ZNF649: variants seen among roughly 807,000 people sequenced by gnomAD.
ZNF649 encodes the protein zinc finger protein 649.
ZNF649 carries 7 observed loss-of-function variants against 14.1 expected under a neutral mutation model. The ratio of observed to expected loss-of-function variants is 0.49; its 90% CI spans 0.28 to 0.93. The LOEUF is 0.93. Ranked by LOEUF, ZNF649 falls within the 40% of genes least tolerant of loss-of-function variation. The pLI is 0.10. For missense variants in ZNF649, 544 were observed against 608.1 expected (o/e 0.89, Z 1.11); for synonymous variants, 227 against 212.3 (o/e 1.07, Z -0.60).
Position 51,891,037 on chromosome 19 carries a change from ATC to A in ZNF649, c.1097_1098del (p.Arg366IlefsTer12). The stretch of plus-strand genomic sequence containing the variant: ...ACAAAGGGAGTCTTTCCTGTATGAT[ATC>A]TCTGATGTGCTACAAGGCAAGACTT... ...SQKSCLVAHQ[R>X]YHTGKTPFVC... On this transcript the variant is annotated frameshift_variant, in exon 5 of 5. Transcript: ENST00000354957. LOFTEE classifies it low-confidence loss of function (END_TRUNC). This position sits in a 1 kb window ranked among gnomAD's most constrained non-coding sequence, Gnocchi z 4.2. 2 of 1,614,188 alleles carry A rather than the reference ATC, an allele frequency of 1.2e-6. No individual in the cohort carries two copies. The highest frequency in any genetic ancestry group is 1.7e-6 in the Non-Finnish European group (2 of 1,180,036).
Position 51,891,105 on chromosome 19 carries a change from T to C in ZNF649, c.1031A>G (p.Lys344Arg), listed in dbSNP as rs916866071. The C allele has an allele frequency of 6.2e-7, 1 of 1,614,194 alleles. No homozygotes were observed. Among genetic ancestry groups the C allele is most frequent in the Non-Finnish European group, 8.5e-7 (1 of 1,180,032 alleles). The change falls in exon 5 of 5, where the codon AAA (lysine) becomes AGA (arginine). Residue 344 changes from lysine (K) to arginine (R), a missense_variant. Transcript: ENST00000354957. The surrounding 1 kb of genome is among the most constrained non-coding windows in gnomAD (Gnocchi z 4.2). ...GCCACAGTCAATGCATCCATAAGGT[T>C]TCTCTCCAGTGTGAGTTCGTTGATG... ...NIHQRTHTGE[K>R]PYGCIDCGKA...
rs2085029406 is a variant in ZNF649 at position 51,892,337 on chromosome 19, C to T, written c.239-440G>A. On this transcript the variant is annotated intron_variant, in intron 4 of 4. Coordinates refer to ENST00000354957, the MANE Select transcript of ZNF649 (RefSeq NM_023074.4). ...GTTGTAGCAAGCCAAGATCGCTCCA[C>T]TGCACTCCAGTCTGCCAACAGAGCA... is the stretch of plus-strand genomic sequence containing the variant. Among the ~76,000 whole-genome samples the T allele has an allele frequency of 2.0e-5, 3 of 150,328 alleles. No individual in the cohort carries two copies. The South Asian group carries it at 6.3e-4, about 31-fold the overall frequency.
At chr19:51,903,855 G>C (rs1229133387) in intron 1 of ZNF649, among the ~76,000 whole-genome samples, 6 of 152,186 alleles carry the variant, frequency 3.9e-5, no homozygotes, top group Non-Finnish European at 8.8e-5. Context: ...AAATGCTCAA[G>C]GAGACTGATG....
intron 4 of ZNF649, among the ~76,000 whole-genome samples, chr19:51,892,625 C>G (rs1037457188): frequency 1.3e-5 from 2 of 152,172 alleles, no homozygotes; most frequent in Admixed American, 6.5e-5. Flanking sequence ...GATACACAGC[C>G]TTTGACTTCA....
rs1442328944 is a variant in ZNF649, at chr19:51,891,094, A to C, written c.1042T>G (p.Cys348Gly). The change falls in exon 5 of 5, where the codon TGC (cysteine) becomes GGC (glycine). Residue 348 changes from cysteine (C) to glycine (G), a missense_variant. By Grantham distance (159) the Cys-to-Gly change is radical (BLOSUM62 -3). Transcript: ENST00000354957. This position sits in a 1 kb window ranked among gnomAD's most constrained non-coding sequence, Gnocchi z 4.2. ...CTGAAGGCCTTGCCACAGTCAATGC[A>C]TCCATAAGGTTTCTCTCCAGTGTGA... ...RTHTGEKPYG[C>G]IDCGKAFSQK... 1.9e-6 allele frequency: 3 copies of C among 1,614,214 alleles called. No individual in the cohort carries two copies. Among genetic ancestry groups the C allele is most frequent in the Admixed American group, 3.3e-5 (2 of 60,030 alleles).
rs755013953 is a variant in ZNF649, at chr19:51,891,498, T to C, written c.638A>G (p.Lys213Arg). 6.2e-7 allele frequency: 1 copy of C among 1,614,096 alleles called. No homozygotes were observed. The highest frequency in any genetic ancestry group is 8.5e-7 in the Non-Finnish European group (1 of 1,180,020). The change falls in exon 5 of 5, where the codon AAA (lysine) becomes AGA (arginine). Residue 213 changes from lysine (K) to arginine (R), a missense_variant. Physicochemically the swap from Lys to Arg is conservative, Grantham distance 26. Transcript: ENST00000354957. The surrounding 1 kb of genome is among the most constrained non-coding windows in gnomAD (Gnocchi z 4.2). ...GAGCCTGTACTTCTTGTAGAAGGCT[T>C]TCCCACACAAGCTACACACGTGGGG... ...KKPHVCSLCGKAFYKKYRLTE... is the reference protein window; with the variant it reads ...KKPHVCSLCGRAFYKKYRLTE...
chr19:51,891,021 G>T lies in ZNF649; in HGVS notation c.1115C>A (p.Thr372Asn). 1 of 1,614,216 alleles carries T rather than the reference G, an allele frequency of 6.2e-7. No homozygotes were observed. Among genetic ancestry groups the T allele is most frequent in the Non-Finnish European group, 8.5e-7 (1 of 1,180,036 alleles). The change falls in exon 5 of 5, where the codon ACT becomes AAT. Residue 372 changes from threonine to asparagine, a missense_variant. Physicochemically the swap from Thr to Asn is moderately conservative, Grantham distance 65 (BLOSUM62 0). Coordinates refer to ENST00000354957, the MANE Select transcript of ZNF649 (RefSeq NM_023074.4). This position sits in a 1 kb window ranked among gnomAD's most constrained non-coding sequence, Gnocchi z 4.2. ...VAHQRYHTGKTPFVCPECGQP... is the reference protein window; with the variant it reads ...VAHQRYHTGKNPFVCPECGQP... ...CCCACATTCAGGACATACAAAGGGA[G>T]TCTTTCCTGTATGATATCTCTGATG...
At chr19:51,899,543 T>C (rs1371298784) in intron 2 of ZNF649, among the ~76,000 whole-genome samples, 1 of 152,236 alleles carries the variant, frequency 6.6e-6, no homozygotes, top group African/African-American at 2.4e-5. Context: ...CTGTGAGCTC[T>C]GGAAAAACTG....
intron 1 of ZNF649, among the ~76,000 whole-genome samples, chr19:51,903,226 T>C (rs980508211): frequency 2.0e-5 from 3 of 152,028 alleles, no homozygotes; most frequent in African/African-American, 7.2e-5. Flanking sequence ...ACCAGTCCTT[T>C]TGAGTTTTTA....
chr19:51,902,901 CTTT>C (rs2122775084), intron 1 of ZNF649, among the ~76,000 whole-genome samples: 1 of 152,222 alleles, frequency 6.6e-6, no homozygotes, highest in African/African-American at 2.4e-5. Flanking sequence ...AGAATGATGT[CTTT>C]TGTTTCCCAA....
rs149586071 is a variant in ZNF649 at position 51,896,950 on chromosome 19, A to G, written c.44T>C (p.Val15Ala). 6.2e-7 allele frequency: 1 copy of G among 1,614,056 alleles called. No individual in the cohort carries two copies. Among genetic ancestry groups the G allele is most frequent in the Admixed American group, 1.7e-5 (1 of 60,026 alleles). Residue 15 changes from valine (V) to alanine (A), a missense_variant, in exon 3 of 5, where the codon GTG becomes GCG. Physicochemically the swap from Val to Ala is moderately conservative, Grantham distance 64. Coordinates refer to ENST00000354957, the MANE Select transcript of ZNF649 (RefSeq NM_023074.4). ...QESLTLEDVA[V>A]DFTWEEWQFL... ...CTGCCACTCCTCCCAGGTGAAGTCC[A>G]CAGCCACATCCTCCAGGGTCAGTGA...
chr19:51,896,597 G>C, intron 3 of ZNF649, 30 bp from the exon 4 acceptor site: 3 of 1,608,864 alleles, frequency 1.9e-6, no homozygotes, highest in Non-Finnish European at 2.6e-6. Flanking sequence ...GAAGACTTAG[G>C]CTCACTGAAT....
At position 51,891,676 on chromosome 19, in the gene ZNF649, C is replaced by T; in HGVS notation, c.460G>A (p.Glu154Lys). Residue 154 changes from glutamate to lysine, a missense_variant, in exon 5 of 5, where the codon GAA (glutamate) becomes AAA (lysine). Physicochemically the swap from Glu to Lys is moderately conservative, Grantham distance 56. Transcript: ENST00000354957. The surrounding 1 kb of genome is among the most constrained non-coding windows in gnomAD (Gnocchi z 4.2). ...EQMPTEIEFP[E>K]SRKPISTKSQ... ...TTGGTGCTGATGGGTTTTCTACTTT[C>T]AGGGAATTCAATTTCCGTAGGCATT... 2 of 1,613,652 alleles carry T rather than the reference C, an allele frequency of 1.2e-6. No individual in the cohort carries two copies. Among genetic ancestry groups the T allele is most frequent in the Non-Finnish European group, 1.7e-6 (2 of 1,179,916 alleles).
At chr19:51,892,215 A>C (rs2085028576) in intron 4 of ZNF649, among the ~76,000 whole-genome samples, 1 of 151,936 alleles carries the variant, frequency 6.6e-6, no homozygotes, top group Non-Finnish European at 1.5e-5. Flanking sequence ...CTCTACTAAA[A>C]ATACAAAAAA....
intron 4 of ZNF649, among the ~76,000 whole-genome samples, chr19:51,894,497 A>G (rs950866412): frequency 6.6e-6 from 1 of 152,064 alleles, no homozygotes; most frequent in African/African-American, 2.4e-5. Context: ...ACTTCTTGTC[A>G]TATGTCTTCA....
In ZNF649 at chr19:51,904,770, C is replaced by T. The variant is rs2085113926; in HGVS notation, c.-188+144G>A. The T allele has an allele frequency of 2.6e-5, 4 of 152,286 alleles. No homozygotes were observed. The South Asian group carries it at 6.2e-4, about 24-fold the overall frequency. 9.4% of individuals were successfully genotyped at this position (152,286 alleles called of 1,614,324 possible). On this transcript the variant is annotated intron_variant, in intron 1 of 4. Transcript: ENST00000354957. Reference sequence around the variant, plus strand: ...GCTGAACTCGACAGACCTTTAACGCCCGACCACAAGAACTCTCCCACGCCG... The same window carrying T: ...GCTGAACTCGACAGACCTTTAACGCTCGACCACAAGAACTCTCCCACGCCG...
rs2085003100 is a variant in ZNF649, at chr19:51,889,645, T to G, written c.*973A>C. 2 of 152,228 alleles carry G rather than the reference T, an allele frequency of 1.3e-5. No individual in the cohort carries two copies. The highest frequency in any genetic ancestry group is 4.1e-4 in the South Asian group (2 of 4,832). The allele number at this position is 152,228 out of a possible 1,614,324, so 9.4% of individuals were successfully genotyped here. Reference sequence around the variant, plus strand: ...CTTCCTAATGCCATCCCTTAGGGATTAGGACTTCAACATGTAAATTTGGAG... The same window carrying G: ...CTTCCTAATGCCATCCCTTAGGGATGAGGACTTCAACATGTAAATTTGGAG... On this transcript the variant is annotated 3_prime_UTR_variant, in exon 5 of 5. Coordinates refer to ENST00000354957, the MANE Select transcript of ZNF649 (RefSeq NM_023074.4).
chr19:51,900,805 C>T (rs1347713428), intron 1 of ZNF649, among the ~76,000 whole-genome samples: 1 of 152,046 alleles, frequency 6.6e-6, no homozygotes, highest in African/African-American at 2.4e-5. Context: ...CTGCCACAAG[C>T]CAAGGACACC....
At chr19:51,892,113 T>A (rs2085027460) in intron 4 of ZNF649, among the ~76,000 whole-genome samples, 1 of 152,182 alleles carries the variant, frequency 6.6e-6, no homozygotes, top group African/African-American at 2.4e-5. Context: ...CGGTGGCTTA[T>A]GCCTGTAATC....
Sources: allele counts gnomAD v4.1 joint callset (sites outside exome capture counted in the v4.1 genomes callset), GRCh38; gene constraint gnomAD v4.1.1; non-coding constraint Gnocchi (gnomAD v3.1); transcripts MANE v1.5; gene names NCBI Gene and HGNC (gene_info 2026-07-23, HGNC 2026-07-21).